The following SSR1 variants were observed in gnomAD, a reference collection of about 807,000 sequenced individuals.
SSR1 encodes the protein translocon-associated protein subunit alpha.
Under a neutral mutation model 36.1 loss-of-function variants are expected in SSR1, and 13 were observed. The ratio of observed to expected loss-of-function variants is 0.36; its 90% confidence interval spans 0.23 to 0.57. SSR1 has a LOEUF of 0.57. SSR1 is among the 20% of genes least tolerant of loss of function. The pLI, the probability that SSR1 is intolerant of heterozygous loss-of-function variation, is 0.81. For missense variants in SSR1, 291 were observed against 338.5 expected, an observed-to-expected ratio of 0.86 and a Z score of 1.10; for synonymous variants, 113 against 118.9, an observed-to-expected ratio of 0.95 and a Z score of 0.32.
chr6:7,312,597 G>A (rs1359166591), intron 1 of SSR1, among the ~76,000 whole-genome samples: 2 of 152,258 alleles, frequency 1.3e-5, no homozygotes, highest in African/African-American at 4.8e-5. Flanking sequence ...CGGCGTGGAA[G>A]CTAAAGACAC....
chr6:7,304,681 T>G (rs1758012396), intron 2 of SSR1, among the ~76,000 whole-genome samples: 1 of 152,200 alleles, frequency 6.6e-6, no homozygotes, highest in African/African-American at 2.4e-5. Context: ...TGAACAAATT[T>G]TATTTAAAAC....
At position 7,285,085 on chromosome 6, in the gene SSR1, A is replaced by G. The variant is rs1180086113; in HGVS notation, c.*4779T>C. ...CCCACATTTTCTTGTTCCTTCTTCAAAGAGTAATAGGGTTCTACCTAATTG... is the reference window on the plus strand; with the variant it reads ...CCCACATTTTCTTGTTCCTTCTTCAGAGAGTAATAGGGTTCTACCTAATTG... On this transcript the variant is annotated 3_prime_UTR_variant, in exon 8 of 8. Transcript: ENST00000244763. The surrounding 1 kb of genome is among the most constrained non-coding windows in gnomAD (Gnocchi z 4.1). 5 of 152,196 alleles carry G rather than the reference A, an allele frequency of 3.3e-5. No homozygotes were observed. The highest frequency in any genetic ancestry group is 1.2e-4 in the African/African-American group (5 of 41,466). The allele number at this position is 152,196 out of a possible 1,614,324, so 9.4% of individuals were successfully genotyped here.
chr6:7,284,841 CAT>C lies in SSR1; in HGVS notation c.*5021_*5022del, dbSNP rs1001829696. Reference sequence around the variant, plus strand: ...GACTATTTAGGGCTGATACTTCAAGCATATCTCAATTAACAAAAAAGCACATT... The same window carrying C: ...GACTATTTAGGGCTGATACTTCAAGCATCTCAATTAACAAAAAAGCACATT... On this transcript the variant is annotated 3_prime_UTR_variant, in exon 8 of 8. Coordinates refer to ENST00000244763, the MANE Select transcript of SSR1 (RefSeq NM_003144.5). 6.6e-6 allele frequency: 1 copy of C among 152,064 alleles called. No homozygotes were observed. The highest frequency in any genetic ancestry group is 1.5e-5 in the Non-Finnish European group (1 of 68,004). The allele number at this position is 152,064 out of a possible 1,614,324, so 9.4% of individuals were successfully genotyped here.
In SSR1 at chr6:7,309,912, C is replaced by G; in HGVS notation, c.192+5G>C. 6.2e-7 allele frequency: 1 copy of G among 1,603,028 alleles called. No homozygotes were observed. The highest frequency in any genetic ancestry group is 8.5e-7 in the Non-Finnish European group (1 of 1,170,150). The stretch of plus-strand genomic sequence containing the variant: ...TACATATATTAAATAGTATGTAACA[C>G]TAACCAAATCTGTGGGTTCATCTTC... On this transcript the variant is annotated splice_donor_5th_base_variant and intron_variant, in intron 2 of 7. Transcript: ENST00000244763.
At chr6:7,304,041 A>C (rs1054495474) in intron 2 of SSR1, among the ~76,000 whole-genome samples, 1 of 152,250 alleles carries the variant, frequency 6.6e-6, no homozygotes, top group Non-Finnish European at 1.5e-5. Flanking sequence ...ATTAGCAATA[A>C]GAATTTCATC....
intron 2 of SSR1, among the ~76,000 whole-genome samples, chr6:7,306,934 G>C (rs1758080145): frequency 7.0e-6 from 1 of 141,874 alleles, no homozygotes; most frequent in South Asian, 2.2e-4. Flanking sequence ...GGGGGGTGGG[G>C]GAAAGCCCAA....
At position 7,309,906 on chromosome 6, in the gene SSR1, G is replaced by A; in HGVS notation, c.192+11C>T. On this transcript the variant is annotated intron_variant, in intron 2 of 7. Transcript: ENST00000244763. ...ACATTTTACATATATTAAATAGTAT[G>A]TAACACTAACCAAATCTGTGGGTTC... is the stretch of plus-strand genomic sequence containing the variant. 2 of 1,581,608 alleles carry A rather than the reference G, an allele frequency of 1.3e-6. No individual in the cohort carries two copies. The highest frequency in any genetic ancestry group is 2.2e-5 in the East Asian group (1 of 44,668).
Position 7,301,380 on chromosome 6 carries a change from A to C in SSR1, c.473T>G (p.Phe158Cys). The change falls in exon 4 of 8, where the codon TTC becomes TGC. Residue 158 changes from phenylalanine to cysteine, a missense_variant. By Grantham distance (205) the Phe-to-Cys change is radical. Coordinates refer to ENST00000244763, the MANE Select transcript of SSR1 (RefSeq NM_003144.5). ...TCCGCCCATGGGCTCTGCAGGAATG[A>C]AAGAGTACTCAAAAGTTGCCTGTCT... ...PQRQATFEYS[F>C]IPAEPMGGRP... 6.2e-7 allele frequency: 1 copy of C among 1,614,218 alleles called. No homozygotes were observed. The highest frequency in any genetic ancestry group is 1.1e-5 in the South Asian group (1 of 91,082).
At position 7,294,994 on chromosome 6, in the gene SSR1, C is replaced by T. The variant is rs1757761493; in HGVS notation, c.793+398G>A. ...ATAAAATGTAGTAAGAAAAATTGTT[C>T]CATTACTCATTAAACTTGACGTAAA... On this transcript the variant is annotated intron_variant, in intron 7 of 7. Transcript: ENST00000244763. 1.5e-5 allele frequency: 17 copies of T among 1,149,988 alleles called. No individual in the cohort carries two copies. In the South Asian group the frequency reaches 2.9e-4, roughly 20 times the overall value. 71.2% of individuals were successfully genotyped at this position (1,149,988 alleles called of 1,614,324 possible). A position where few individuals can be genotyped will look rare whatever the true frequency, so the allele number is the denominator to read the frequency against.
At chr6:7,306,072 A>G (rs1317486657) in intron 2 of SSR1, among the ~76,000 whole-genome samples, 2 of 152,234 alleles carry the variant, frequency 1.3e-5, no homozygotes, top group Non-Finnish European at 2.9e-5. Flanking sequence ...GAAACTTTTC[A>G]TCATATATTC....
rs1757410443 is a variant in SSR1, at chr6:7,281,162, A to G, written c.*8702T>C. On this transcript the variant is annotated 3_prime_UTR_variant, in exon 8 of 8. Transcript: ENST00000244763. Reference sequence around the variant, plus strand: ...CACAAATACTTTCATGATCAGCTTTAATTTAAGGGACATGTAAATAAAAAG... The same window carrying G: ...CACAAATACTTTCATGATCAGCTTTGATTTAAGGGACATGTAAATAAAAAG... The G allele has an allele frequency of 6.9e-6, 1 of 145,498 alleles. No individual in the cohort carries two copies. Among genetic ancestry groups the G allele is most frequent in the Non-Finnish European group, 1.6e-5 (1 of 63,620 alleles). 9.0% of individuals were successfully genotyped at this position (145,498 alleles called of 1,614,324 possible). A position where few individuals can be genotyped will look rare whatever the true frequency, so the allele number is the denominator to read the frequency against.
chr6:7,299,627 G>A (rs115213547), intron 4 of SSR1, among the ~76,000 whole-genome samples: 2,674 of 151,856 alleles, frequency 0.018, 43 homozygotes, highest in East Asian at 0.057. Flanking sequence ...GTGCCCAGAA[G>A]GCAGAGGTTG....
At chr6:7,297,819 A>C in intron 6 of SSR1, 104 bp downstream of exon 6, 1 of 781,154 alleles carries the variant, frequency 1.3e-6, no homozygotes, top group Non-Finnish European at 2.1e-6. Flanking sequence ...AGTTCTACGT[A>C]TACAAACCCA....
At chr6:7,297,569 TTTAAAA>T (rs1757829131) in intron 6 of SSR1, among the ~76,000 whole-genome samples, 1 of 151,354 alleles carries the variant, frequency 6.6e-6, no homozygotes, top group Admixed American at 6.6e-5. Flanking sequence ...TACAAAAAAT[TTTAAAA>T]TTAGCGGGGT....
chr6:7,304,784 T>C (rs1054786105), intron 2 of SSR1, among the ~76,000 whole-genome samples: 1 of 152,214 alleles, frequency 6.6e-6, no homozygotes, highest in African/African-American at 2.4e-5. Flanking sequence ...TAAATTGAGA[T>C]GCTTCAGGAT....
At position 7,301,575 on chromosome 6, in the gene SSR1, G is replaced by A. The variant is rs1465375613; in HGVS notation, c.281-3C>T. The A allele has an allele frequency of 6.2e-7, 1 of 1,600,496 alleles. No individual in the cohort carries two copies. The highest frequency in any genetic ancestry group is 1.1e-5 in the South Asian group (1 of 89,066). On this transcript the variant is annotated splice_polypyrimidine_tract_variant and splice_region_variant and intron_variant, in intron 3 of 7. Coordinates refer to ENST00000244763, the MANE Select transcript of SSR1 (RefSeq NM_003144.5). ...CACAATGTTATTTGCTGGAAAATCT[G>A]AGAAACAAAATAGAGACAAAAAAAT...
chr6:7,309,451 GTC>G (rs1758139364), intron 2 of SSR1, among the ~76,000 whole-genome samples: 2 of 152,214 alleles, frequency 1.3e-5, no homozygotes, highest in African/African-American at 4.8e-5. Flanking sequence ...AACAGAGCAA[GTC>G]TCTGTCTCTA....
At chr6:7,294,620 GGCGGAGGTAGCAGTGAGCCAA>G (rs1327686924) in intron 7 of SSR1, among the ~76,000 whole-genome samples, 1 of 152,196 alleles carries the variant, frequency 6.6e-6, no homozygotes, top group Non-Finnish European at 1.5e-5. Context: ...GAACCCAGGA[GGCGGAGGTAGCAGTGAGCCAA>G]GACCATGCCA....
intron 7 of SSR1, among the ~76,000 whole-genome samples, chr6:7,294,786 G>A (rs1416380665): frequency 6.6e-6 from 1 of 151,928 alleles, no homozygotes; most frequent in African/African-American, 2.4e-5. Context: ...TTATAATGAG[G>A]CTGCATTGGT....
Sources: gnomAD v4.1 joint callset for allele counts (sites outside exome capture counted in the v4.1 genomes callset) on GRCh38, gnomAD v4.1.1 for gene constraint, Gnocchi (gnomAD v3.1) non-coding constraint, MANE v1.5 for transcripts, NCBI Gene and HGNC (gene_info 2026-07-23, HGNC 2026-07-21) for gene names.